The following PARN variants were observed in gnomAD, a reference collection of about 807,000 sequenced individuals.
PARN encodes poly(A)-specific ribonuclease PARN.
PARN carries 71 observed loss-of-function variants against 102.8 expected under a neutral mutation model. The observed-to-expected ratio is 0.69, with a 90% confidence interval of 0.57 to 0.84. The LOEUF (loss-of-function observed/expected upper bound fraction) is 0.84. Among genes scored for constraint, PARN ranks in the 40% least tolerant of loss-of-function variants. The pLI is 0.00. For synonymous variants in PARN, 261 were observed against 252.9 expected (o/e 1.03, Z -0.30); for missense variants, 782 against 760.9 (o/e 1.03, Z -0.33).
At chr16:14,545,927 A>G (rs1303598059) in intron 21 of PARN, among the ~76,000 whole-genome samples, 5 of 152,236 alleles carry the variant, frequency 3.3e-5, no homozygotes, top group Non-Finnish European at 7.3e-5. Context: ...GAAACTGAGA[A>G]AAGAAGAGCA....
At chr16:14,491,604 C>T (rs1158379903) in intron 21 of PARN, among the ~76,000 whole-genome samples, 1 of 151,742 alleles carries the variant, frequency 6.6e-6, no homozygotes, top group Admixed American at 6.6e-5. Context: ...ATCTCTACAA[C>T]ATAAAACATA....
At position 14,548,242 on chromosome 16, in the gene PARN, C is replaced by T. The variant is rs556364375; in HGVS notation, c.1480+3779G>A. ...CAGCCTGGGTGACAGAGCAAGACTC[C>T]GTCTCAAAAAAAAAAAAAAATTAAT... On this transcript the variant is annotated intron_variant, in intron 21 of 23. Transcript: ENST00000437198. Among the ~76,000 whole-genome samples, 28 of 149,554 alleles carry T rather than the reference C, an allele frequency of 1.9e-4. No individual in the cohort carries two copies. In the South Asian group the frequency reaches 3.8e-3, roughly 20 times the overall value.
chr16:14,504,997 G>A (rs1427398576), intron 21 of PARN, among the ~76,000 whole-genome samples: 2 of 152,130 alleles, frequency 1.3e-5, no homozygotes, highest in Non-Finnish European at 2.9e-5. Context: ...ACAAAAAGCA[G>A]GCAGTACTGA....
intron 21 of PARN, among the ~76,000 whole-genome samples, chr16:14,487,874 T>C (rs754963328): frequency 1.3e-5 from 2 of 152,210 alleles, no homozygotes; most frequent in Non-Finnish European, 2.9e-5. Context: ...CCAAAGACGG[T>C]CACTTTATTA....
At chr16:14,489,284 G>A (rs1963924899) in intron 21 of PARN, among the ~76,000 whole-genome samples, 1 of 151,922 alleles carries the variant, frequency 6.6e-6, no homozygotes, top group Non-Finnish European at 1.5e-5. Flanking sequence ...TCACAGATGT[G>A]CATTACATTT....
chr16:14,460,815 A>G (rs1450842272), intron 22 of PARN, among the ~76,000 whole-genome samples: 1 of 152,222 alleles, frequency 6.6e-6, no homozygotes, highest in Non-Finnish European at 1.5e-5. Context: ...CAGAATAATT[A>G]CAGACACTCC....
At chr16:14,476,647 T>C (rs369871353) in intron 22 of PARN, among the ~76,000 whole-genome samples, 4 of 151,900 alleles carry the variant, frequency 2.6e-5, no homozygotes, top group African/African-American at 7.3e-5. Context: ...CTGGGTAACA[T>C]AGCGAGACCC....
chr16:14,627,298 G>A lies in PARN; in HGVS notation c.216C>T (p.Cys72=). The change falls in exon 4 of 24, where the codon TGC becomes TGT. Residue 72 remains cysteine, a synonymous_variant. Coordinates refer to ENST00000437198, the MANE Select transcript of PARN (RefSeq NM_002582.4). ...MDFLLFQFGL[C]TFKYDYTDSK... ...AATCTGTGTAGTCATACTTAAAAGT[G>A]CAAAGGCCAAACTGAAATAGCAAAA... 1 of 1,594,548 alleles carries A rather than the reference G, an allele frequency of 6.3e-7. No individual in the cohort carries two copies. Among genetic ancestry groups the A allele is most frequent in the Non-Finnish European group, 8.5e-7 (1 of 1,169,892 alleles).
At position 14,579,157 on chromosome 16, in the gene PARN, C is replaced by T. The variant is rs978877741; in HGVS notation, c.1262+1717G>A. ...TAATTTTTGTACTTTTAGTACAGAC[C>T]GGTTTTCACCATGCTGGCCAGGCTG... On this transcript the variant is annotated intron_variant, in intron 18 of 23. Coordinates refer to ENST00000437198, the MANE Select transcript of PARN (RefSeq NM_002582.4). 3.3e-5 allele frequency among the ~76,000 whole-genome samples: 5 copies of T among 152,036 alleles called. 1 individual carries two copies. The highest frequency in any genetic ancestry group is 3.9e-4 in the East Asian group (2 of 5,188).
At chr16:14,581,676 T>G (rs1969542199) in intron 17 of PARN, among the ~76,000 whole-genome samples, 1 of 152,092 alleles carries the variant, frequency 6.6e-6, no homozygotes, top group African/African-American at 2.4e-5. Flanking sequence ...TTCCAGCACT[T>G]TGGGAGGCTG....
intron 22 of PARN, among the ~76,000 whole-genome samples, chr16:14,470,437 G>GATGATGATGATTATT (rs369121377): frequency 4.1e-5 from 6 of 147,152 alleles, no homozygotes; most frequent in Non-Finnish European, 7.5e-5. Context: ...GAGTTTGGAT[G>GATGATGATGATTATT]ATTATTATTA....
At chr16:14,583,472 G>C (rs1332829647) in intron 16 of PARN, among the ~76,000 whole-genome samples, 1 of 152,072 alleles carries the variant, frequency 6.6e-6, no homozygotes, top group African/African-American at 2.4e-5. Flanking sequence ...AGCCACCTAA[G>C]TAATATCTTC....
intron 17 of PARN, among the ~76,000 whole-genome samples, chr16:14,581,235 G>A (rs1425043181): frequency 6.6e-6 from 1 of 151,950 alleles, no homozygotes; most frequent in Non-Finnish European, 1.5e-5. Context: ...TATTTTTAGT[G>A]GAGACAGGGT....
In PARN at chr16:14,537,985, T is replaced by C. The variant is rs149751909; in HGVS notation, c.1480+14036A>G. Among the ~76,000 whole-genome samples the C allele has an allele frequency of 5.3e-5, 8 of 152,288 alleles. No individual in the cohort carries two copies. In the East Asian group the frequency reaches 1.2e-3, roughly 22 times the overall value. ...AAACTATAATACATCTTTGACATGA[T>C]GGATATGCTAATGATTTGATCATTA... On this transcript the variant is annotated intron_variant, in intron 21 of 23. Coordinates refer to ENST00000437198, the MANE Select transcript of PARN (RefSeq NM_002582.4).
intron 13 of PARN, among the ~76,000 whole-genome samples, chr16:14,590,269 GAA>G (rs1970108165): frequency 1.1e-5 from 1 of 87,282 alleles, no homozygotes; most frequent in African/African-American, 4.2e-5. Flanking sequence ...GTAGGAAAGA[GAA>G]GAGAAAAAAA....
chr16:14,616,324 C>A (rs937709924), intron 6 of PARN, among the ~76,000 whole-genome samples: 1 of 152,196 alleles, frequency 6.6e-6, no homozygotes, highest in Non-Finnish European at 1.5e-5. Flanking sequence ...GTGAAAAGAA[C>A]AAGACACAAT....
intron 18 of PARN, among the ~76,000 whole-genome samples, chr16:14,573,482 T>C (rs1462457016): frequency 6.6e-6 from 1 of 152,178 alleles, no homozygotes; most frequent in Non-Finnish European, 1.5e-5. Context: ...CCCCTTATAT[T>C]TCAAGAAACG....
intron 21 of PARN, among the ~76,000 whole-genome samples, chr16:14,509,886 G>A (rs188624427): frequency 5.3e-5 from 8 of 152,278 alleles, no homozygotes; most frequent in Admixed American, 2.0e-4. Context: ...GGATCCCTCA[G>A]AAATGGGTTT....
At chr16:14,629,173 A>G (rs1443185851) in intron 2 of PARN, among the ~76,000 whole-genome samples, 1 of 152,216 alleles carries the variant, frequency 6.6e-6, no homozygotes, top group Non-Finnish European at 1.5e-5. Flanking sequence ...GACTGTGAAG[A>G]TGAAGAAGTC....
Sources: gnomAD v4.1 joint callset for allele counts (sites outside exome capture counted in the v4.1 genomes callset) on GRCh38, gnomAD v4.1.1 for gene constraint, MANE v1.5 for transcripts, NCBI Gene and HGNC (gene_info 2026-07-23, HGNC 2026-07-21) for gene names.